ACSS1: variants seen among roughly 807,000 people sequenced by gnomAD.
ACSS1 encodes the protein acyl-CoA synthetase short chain family member 1, also known as acetyl-coenzyme A synthetase 2-like, mitochondrial.
A neutral mutation model predicts 75.3 loss-of-function variants in ACSS1; 42 were observed. That is an observed-to-expected ratio of 0.56 (90% CI 0.44 to 0.72). The LOEUF is 0.72. Among genes scored for constraint, ACSS1 ranks in the 30% least tolerant of loss-of-function variants. The pLI is 0.00. For synonymous variants in ACSS1, 380 were observed against 376.8 expected, an observed-to-expected ratio of 1.01 and a Z score of -0.10; for missense variants, 782 against 935.7, an observed-to-expected ratio of 0.84 and a Z score of 2.14.
At chr20:25,014,880 C>T (rs945763414) in intron 8 of ACSS1, among the ~76,000 whole-genome samples, 17 of 152,190 alleles carry the variant, frequency 1.1e-4, no homozygotes, top group Non-Finnish European at 2.5e-4. Context: ...CTCACCCAGG[C>T]GTGTGGGGGG....
rs1037886334 is a variant in ACSS1, at chr20:25,009,370, A to C, written c.1790T>G (p.Val597Gly). ...TGAGTCACCCGCACTATCTTTCACC[A>C]CAATGAAGGCAAAGGCAGCTGAAAA... ...IKGEAAFAFI[V>G]VKDSAGDSDV... The change falls in exon 13 of 14, where the codon GTG becomes GGG. Residue 597 changes from valine to glycine, a missense_variant. Val to Gly is a moderately radical substitution (Grantham distance 109, BLOSUM62 -3). Coordinates refer to ENST00000323482, the MANE Select transcript of ACSS1 (RefSeq NM_032501.4). 127 of 1,614,052 alleles carry C rather than the reference A, an allele frequency of 7.9e-5. No individual in the cohort carries two copies. Among genetic ancestry groups the C allele is most frequent in the Non-Finnish European group, 1.0e-4 (122 of 1,180,006 alleles).
At chr20:25,017,464 G>A (rs534969665) in intron 7 of ACSS1, among the ~76,000 whole-genome samples, 4 of 152,326 alleles carry the variant, frequency 2.6e-5, no homozygotes, top group Non-Finnish European at 4.4e-5. Flanking sequence ...GGAGCCCCAG[G>A]TGCAAGACAT....
chr20:25,009,134 G>T, intron 13 of ACSS1, 136 bp downstream of exon 13: 1 of 803,554 alleles, frequency 1.2e-6, no homozygotes, highest in Non-Finnish European at 2.1e-6. Flanking sequence ...CTCACCACCA[G>T]CCAGGAAAAC....
At chr20:25,017,567 C>T (rs1429876826) in intron 7 of ACSS1, among the ~76,000 whole-genome samples, 1 of 152,232 alleles carries the variant, frequency 6.6e-6, no homozygotes, top group Non-Finnish European at 1.5e-5. Flanking sequence ...GGCTCTGCGG[C>T]TAGAACCGGT....
chr20:25,023,461 C>T lies in ACSS1; in HGVS notation c.807+5G>A, dbSNP rs1180570744. 6.2e-7 allele frequency: 1 copy of T among 1,613,968 alleles called. No individual in the cohort carries two copies. Among genetic ancestry groups the T allele is most frequent in the Non-Finnish European group, 8.5e-7 (1 of 1,179,996 alleles). On this transcript the variant is annotated splice_donor_5th_base_variant and intron_variant, in intron 4 of 13. Coordinates refer to ENST00000323482, the MANE Select transcript of ACSS1 (RefSeq NM_032501.4). Reference sequence around the variant, plus strand: ...CCTCAAACTGTGCAAAGCGAGGTAACCCACCTGCTCCAGCGGGACGTCCAG... The same window carrying T: ...CCTCAAACTGTGCAAAGCGAGGTAATCCACCTGCTCCAGCGGGACGTCCAG...
intron 1 of ACSS1, among the ~76,000 whole-genome samples, chr20:25,052,421 G>A (rs1195091425): frequency 1.3e-5 from 2 of 152,240 alleles, no homozygotes; most frequent in East Asian, 3.9e-4. Context: ...CCTCTCAGAG[G>A]CCCACACCAT....
At chr20:25,042,225 G>A (rs755097851) in intron 2 of ACSS1, among the ~76,000 whole-genome samples, 2 of 152,182 alleles carry the variant, frequency 1.3e-5, no homozygotes, top group African/African-American at 2.4e-5. Context: ...CACAGGCAGC[G>A]TGCGTAGGAA....
intron 1 of ACSS1, among the ~76,000 whole-genome samples, chr20:25,049,260 G>A (rs111545868): frequency 0.033 from 4,985 of 152,274 alleles, 262 homozygotes; most frequent in African/African-American, 0.11. Flanking sequence ...TGGCAGACCT[G>A]AATTTACACA....
intron 7 of ACSS1, among the ~76,000 whole-genome samples, chr20:25,018,269 C>T (rs1032074506): frequency 2.6e-5 from 4 of 152,192 alleles, no homozygotes; most frequent in Admixed American, 6.5e-5. Context: ...CACCATGGGA[C>T]GATGCAGCAA....
Position 25,046,742 on chromosome 20 carries a change from T to G in ACSS1, c.431+1343A>C, listed in dbSNP as rs768964369. The G allele has an allele frequency of 9.8e-4, 755 of 769,626 alleles. 1 individual carries two copies. The highest frequency in any genetic ancestry group is 1.7e-3 in the Non-Finnish European group (698 of 412,016). The allele number at this position is 769,626 out of a possible 1,614,324, so 47.7% of individuals were successfully genotyped here. Reference sequence around the variant, plus strand: ...CGAGGGGCAGCTGCAGCAGCTTGGGTCTTCAGAGCCAAGCACACTCCAGTG... The same window carrying G: ...CGAGGGGCAGCTGCAGCAGCTTGGGGCTTCAGAGCCAAGCACACTCCAGTG... On this transcript the variant is annotated intron_variant, in intron 2 of 13. Coordinates refer to ENST00000323482, the MANE Select transcript of ACSS1 (RefSeq NM_032501.4).
Position 25,018,231 on chromosome 20 carries a change from GCT to G in ACSS1, c.1246+1777_1246+1778del, listed in dbSNP as rs1425784475. Among the ~76,000 whole-genome samples, 3 of 152,174 alleles carry G rather than the reference GCT, an allele frequency of 2.0e-5. No individual in the cohort carries two copies. In the East Asian group the frequency reaches 5.8e-4, roughly 29 times the overall value. On this transcript the variant is annotated intron_variant, in intron 7 of 13. Transcript: ENST00000323482. The stretch of plus-strand genomic sequence containing the variant: ...AAAAGGGTGAGTTCAACCTCCTCTT[GCT>G]CTCTCTTGCCTTCTCTTTGCCCTTC...
At chr20:25,044,470 A>G (rs1056628896) in intron 2 of ACSS1, among the ~76,000 whole-genome samples, 2 of 152,128 alleles carry the variant, frequency 1.3e-5, no homozygotes, top group African/African-American at 4.8e-5. Flanking sequence ...TACAAAAAAT[A>G]AAAAGCTTAG....
chr20:25,008,453 C>G (rs1441423700), intron 13 of ACSS1, among the ~76,000 whole-genome samples: 1 of 152,240 alleles, frequency 6.6e-6, no homozygotes, highest in Non-Finnish European at 1.5e-5. Flanking sequence ...GGATCTTTGA[C>G]AGTCATTCTG....
chr20:25,022,320 C>T lies in ACSS1; in HGVS notation c.960+620G>A, dbSNP rs543785402. Reference sequence around the variant, plus strand: ...AGGTTGCAGTGATCTGAGATCACACCACTGCACTCTAACCTGGACAACAGA... The same window carrying T: ...AGGTTGCAGTGATCTGAGATCACACTACTGCACTCTAACCTGGACAACAGA... On this transcript the variant is annotated intron_variant, in intron 5 of 13. Transcript: ENST00000323482. 3.9e-5 allele frequency among the ~76,000 whole-genome samples: 6 copies of T among 152,246 alleles called. No homozygotes were observed. In the East Asian group the frequency reaches 1.2e-3, roughly 29 times the overall value.
Position 25,012,643 on chromosome 20 carries a change from C to T in ACSS1, c.1729G>A (p.Glu577Lys). Residue 577 changes from glutamate to lysine, a missense_variant, in exon 12 of 14, where the codon GAA becomes AAA. Physicochemically the swap from Glu to Lys is moderately conservative, Grantham distance 56. This residue lies in a region of ACSS1 where 405 missense variants were observed against 552.6 expected (regional missense o/e 0.73). Transcript: ENST00000323482. ...DAIADHPAVP[E>K]SAVIGYPHDI... ...TGGGGGTAGCCAATGACAGCACTTT[C>T]TGGTACTGCAGGGTGGTCGGCCTGT... The T allele has an allele frequency of 6.2e-7, 1 of 1,614,204 alleles. No individual in the cohort carries two copies. The highest frequency in any genetic ancestry group is 8.5e-7 in the Non-Finnish European group (1 of 1,180,042).
In ACSS1 at chr20:25,057,966, G is replaced by A. The variant is rs1036729231; in HGVS notation, c.137C>T (p.Pro46Leu). ...RAASGPSGSA[P>L]AVAAAAAQPG... ...CTGTGCTGCTGCTGCTGCAACTGCG[G>A]GAGCGCTGCCCGAGGGTCCCGAGGC... Residue 46 changes from proline (P) to leucine (L), a missense_variant, in exon 1 of 14, where the codon CCC becomes CTC. This residue lies in a region of ACSS1 where 377 missense variants were observed against 383.1 expected (regional missense o/e 0.98). Transcript: ENST00000323482. 8.8e-6 allele frequency: 14 copies of A among 1,584,118 alleles called. No homozygotes were observed. In the African/African-American group the frequency reaches 1.9e-4, roughly 21 times the overall value.
rs185365937 is a variant in ACSS1 at position 25,006,291 on chromosome 20, C to G, written c.*1471G>C. The G allele has an allele frequency of 5.2e-5, 8 of 152,568 alleles. No individual in the cohort carries two copies. The highest frequency in any genetic ancestry group is 1.2e-4 in the Non-Finnish European group (8 of 68,362). 9.5% of individuals were successfully genotyped at this position (152,568 alleles called of 1,614,324 possible). A position where few individuals can be genotyped will look rare whatever the true frequency, so the allele number is the denominator to read the frequency against. On this transcript the variant is annotated 3_prime_UTR_variant, in exon 14 of 14. Coordinates refer to ENST00000323482, the MANE Select transcript of ACSS1 (RefSeq NM_032501.4). ...CTCCCCTACAGATCATTCAGATGCC[C>G]GGGACCATGTCCAGGTTCCTCTCAG...
chr20:25,009,632 TG>T, intron 12 of ACSS1: 1 of 508,350 alleles, frequency 2.0e-6, no homozygotes, highest in Non-Finnish European at 3.5e-6. Context: ...GCTGAGAGCT[TG>T]GCATCTCAGC....
Position 25,058,051 on chromosome 20 carries a change from G to A in ACSS1, c.52C>T (p.Arg18Ter). The A allele has an allele frequency of 7.5e-7, 1 of 1,333,044 alleles. No individual in the cohort carries two copies. The highest frequency in any genetic ancestry group is 2.0e-5 in the South Asian group (1 of 49,930). The allele number at this position is 1,333,044 out of a possible 1,614,324, so 82.6% of individuals were successfully genotyped here. A position where few individuals can be genotyped will look rare whatever the true frequency, so the allele number is the denominator to read the frequency against. The change falls in exon 1 of 14, where the codon CGA becomes TGA. Residue 18 changes from arginine to a stop codon, truncating the protein, a stop_gained. Coordinates refer to ENST00000323482, the MANE Select transcript of ACSS1 (RefSeq NM_032501.4). LOFTEE classifies it high-confidence loss of function. Reference protein sequence around the residue: ...RGVGRLLGSLRGLSGQPARPP... With the variant: ...RGVGRLLGSL ...CGCGCGGGCTGCCCCGAGAGCCCTC[G>A]CAGGCTGCCCAGCAGCCTCCCGACG... is the stretch of plus-strand genomic sequence containing the variant.
Sources: gnomAD v4.1 joint callset for allele counts (sites outside exome capture counted in the v4.1 genomes callset) on GRCh38, gnomAD v4.1.1 for gene constraint, gnomAD v4.1.1 regional missense constraint, MANE v1.5 for transcripts, NCBI Gene and HGNC (gene_info 2026-07-23, HGNC 2026-07-21) for gene names.